Variants in CHP1 observed in about 807,000 individuals in gnomAD.
CHP1 encodes calcineurin like EF-hand protein 1.
CHP1 carries 11 observed loss-of-function variants against 27.4 expected under a neutral mutation model. The ratio of observed to expected loss-of-function variants is 0.40; its 90% CI spans 0.25 to 0.67. CHP1 has a LOEUF of 0.67. Ranked by LOEUF, CHP1 falls within the 30% of genes least tolerant of loss-of-function variation. CHP1 has a pLI of 0.38. For missense variants in CHP1, 169 were observed against 251.3 expected (o/e 0.67, Z 2.22); for synonymous variants, 89 against 87.4 (o/e 1.02, Z -0.10).
intron 2 of CHP1, among the ~76,000 whole-genome samples, chr15:41,249,880 G>A: frequency 6.7e-6 from 1 of 150,050 alleles, no homozygotes; most frequent in East Asian, 1.9e-4. Context: ...CCATGTCTGG[G>A]CCTGAAGCCA....
intron 4 of CHP1, among the ~76,000 whole-genome samples, chr15:41,263,873 CAAAGA>C (rs1366491427): frequency 1.3e-5 from 2 of 152,078 alleles, no homozygotes; most frequent in Non-Finnish European, 2.9e-5. Context: ...TCTGTCTCAA[CAAAGA>C]AAAGAAAACA....
At chr15:41,250,885 A>C (rs1221792669) in intron 2 of CHP1, among the ~76,000 whole-genome samples, 6 of 150,874 alleles carry the variant, frequency 4.0e-5, no homozygotes, top group Admixed American at 3.3e-4. Context: ...GCTGGAGTGC[A>C]GAGGCACAAT....
chr15:41,248,258 C>T (rs1172189645), intron 2 of CHP1, among the ~76,000 whole-genome samples: 2 of 151,982 alleles, frequency 1.3e-5, no homozygotes, highest in African/African-American at 2.4e-5. Flanking sequence ...AGACAGTTCT[C>T]CCACCTCAGC....
rs897803325 is a variant in CHP1, at chr15:41,241,905, C to T, written c.68-1762C>T. On this transcript the variant is annotated intron_variant, in intron 1 of 6. Transcript: ENST00000334660. Reference sequence around the variant, plus strand: ...CTTTAAACCTCTGAAGGTACAGCCTCGGACAAAGTCCACACTTGTCACACC... The same window carrying T: ...CTTTAAACCTCTGAAGGTACAGCCTTGGACAAAGTCCACACTTGTCACACC... Among the ~76,000 whole-genome samples the T allele has an allele frequency of 1.1e-4, 16 of 152,316 alleles. 1 individual carries two copies. The highest frequency in any genetic ancestry group is 2.4e-4 in the African/African-American group (10 of 41,576).
At chr15:41,265,860 C>T (rs189140849) in intron 4 of CHP1, among the ~76,000 whole-genome samples, 3 of 152,288 alleles carry the variant, frequency 2.0e-5, no homozygotes, top group Admixed American at 6.5e-5. Flanking sequence ...ATTTTAATCA[C>T]GATCAGCAAG....
chr15:41,235,928 C>T (rs1437081824), intron 1 of CHP1, among the ~76,000 whole-genome samples: 5 of 152,196 alleles, frequency 3.3e-5, no homozygotes, highest in Non-Finnish European at 7.3e-5. Context: ...GGATAACTAA[C>T]ACCTTTAACT....
chr15:41,271,438 A>G (rs1567011674), intron 5 of CHP1, among the ~76,000 whole-genome samples: 1 of 152,176 alleles, frequency 6.6e-6, no homozygotes. Context: ...CAAAAAAGAA[A>G]AAAATAAGTA....
chr15:41,279,458 C>A lies in CHP1; in HGVS notation c.*69C>A. On this transcript the variant is annotated 3_prime_UTR_variant, in exon 7 of 7. Transcript: ENST00000334660. Reference sequence around the variant, plus strand: ...AACTTGAAAGTCCTCCTTCTACCAACTCCACCTCCACCCCCTCATTCCCCT... The same window carrying A: ...AACTTGAAAGTCCTCCTTCTACCAAATCCACCTCCACCCCCTCATTCCCCT... 8.1e-7 allele frequency: 1 copy of A among 1,235,240 alleles called. No homozygotes were observed. The highest frequency in any genetic ancestry group is 1.2e-6 in the Non-Finnish European group (1 of 842,106). The allele number at this position is 1,235,240 out of a possible 1,614,324, so 76.5% of individuals were successfully genotyped here.
rs139310023 is a variant in CHP1 at position 41,249,764 on chromosome 15, G to T, written c.140+6025G>T. Among the ~76,000 whole-genome samples, 4 of 151,682 alleles carry T rather than the reference G, an allele frequency of 2.6e-5. 2 individuals carry two copies. Among genetic ancestry groups the T allele is most frequent in the South Asian group, 4.2e-4 (2 of 4,802 alleles). The stretch of plus-strand genomic sequence containing the variant: ...TAAGATTACAGGCGTAAGCCACTGC[G>T]CCCGGCCTCGCCTTCACCTTAAGAA... On this transcript the variant is annotated intron_variant, in intron 2 of 6. Coordinates refer to ENST00000334660, the MANE Select transcript of CHP1 (RefSeq NM_007236.5).
At chr15:41,250,492 G>A (rs764100004) in intron 2 of CHP1, among the ~76,000 whole-genome samples, 34 of 151,888 alleles carry the variant, frequency 2.2e-4, no homozygotes, top group Admixed American at 6.6e-5. Context: ...GCTTGAACCC[G>A]GGAGGCGGAG....
At chr15:41,269,866 A>G (rs192530044) in intron 4 of CHP1, among the ~76,000 whole-genome samples, 2 of 152,220 alleles carry the variant, frequency 1.3e-5, no homozygotes, top group East Asian at 3.9e-4. Flanking sequence ...CACCTATAAA[A>G]TCACCCAGTG....
At chr15:41,254,444 A>G (rs890648217) in intron 2 of CHP1, among the ~76,000 whole-genome samples, 4 of 152,246 alleles carry the variant, frequency 2.6e-5, no homozygotes, top group Non-Finnish European at 5.9e-5. Context: ...GAGGAGCTAC[A>G]TTTTGATGAT....
chr15:41,244,174 G>A (rs1403333252), intron 2 of CHP1, among the ~76,000 whole-genome samples: 3 of 148,096 alleles, frequency 2.0e-5, no homozygotes, highest in Non-Finnish European at 3.0e-5. Flanking sequence ...CTCCAGCCTC[G>A]GCAACAGAGC....
chr15:41,240,644 T>C (rs921232151), intron 1 of CHP1, among the ~76,000 whole-genome samples: 2 of 151,480 alleles, frequency 1.3e-5, no homozygotes, highest in African/African-American at 4.8e-5. Context: ...TTCCAGCTAC[T>C]TGGGAGGCTG....
At chr15:41,266,290 T>G (rs1293858066) in intron 4 of CHP1, among the ~76,000 whole-genome samples, 1 of 151,302 alleles carries the variant, frequency 6.6e-6, no homozygotes, top group Non-Finnish European at 1.5e-5. Context: ...TCTCAAAGAA[T>G]AATAATAATA....
At chr15:41,260,283 A>C (rs191528448) in intron 3 of CHP1, among the ~76,000 whole-genome samples, 1 of 152,048 alleles carries the variant, frequency 6.6e-6, no homozygotes, top group East Asian at 1.9e-4. Flanking sequence ...TCTTCATTCA[A>C]GTTTTGAGAA....
At chr15:41,261,088 TTCC>T (rs1257933188) in intron 3 of CHP1, among the ~76,000 whole-genome samples, 1 of 151,742 alleles carries the variant, frequency 6.6e-6, no homozygotes, top group Non-Finnish European at 1.5e-5. Flanking sequence ...CCTTCCTTCC[TTCC>T]TTTCCTCCCT....
At chr15:41,259,411 C>T (rs1403661393) in intron 3 of CHP1, among the ~76,000 whole-genome samples, 1 of 152,220 alleles carries the variant, frequency 6.6e-6, no homozygotes, top group African/African-American at 2.4e-5. Context: ...GAGGGCTCTA[C>T]TGGGCTGCAC....
At chr15:41,235,750 A>G (rs2047273545) in intron 1 of CHP1, among the ~76,000 whole-genome samples, 1 of 152,210 alleles carries the variant, frequency 6.6e-6, no homozygotes, top group Admixed American at 6.5e-5. Context: ...AAGCCTGGCA[A>G]AGGCAATTGC....
Sources: gnomAD v4.1 joint callset for allele counts (sites outside exome capture counted in the v4.1 genomes callset) on GRCh38, gnomAD v4.1.1 for gene constraint, MANE v1.5 for transcripts, NCBI Gene and HGNC (gene_info 2026-07-23, HGNC 2026-07-21) for gene names.